HS6ST3: variants seen among roughly 807,000 people sequenced by gnomAD.
HS6ST3 encodes heparan-sulfate 6-O-sulfotransferase 3.
A neutral mutation model predicts 36.7 loss-of-function variants in HS6ST3; 12 were observed. The observed-to-expected ratio is 0.33, with a 90% CI of 0.21 to 0.53. The LOEUF (loss-of-function observed/expected upper bound fraction) is 0.53. Among genes scored for constraint, HS6ST3 ranks in the 20% least tolerant of loss-of-function variants. The probability of loss-of-function intolerance (pLI) is 0.95; values close to 1 mark genes in which losing one functional copy is unlikely to be tolerated. For missense variants in HS6ST3, 584 were observed against 640.9 expected (o/e 0.91, Z 0.96); for synonymous variants, 240 against 257.5 (o/e 0.93, Z 0.65).
intron 1 of HS6ST3, among the ~76,000 whole-genome samples, chr13:96,118,196 G>T (rs957638609): frequency 6.6e-6 from 1 of 152,088 alleles, no homozygotes; most frequent in African/African-American, 2.4e-5. Context: ...TTTGGAGGTA[G>T]AACCTTTGAA....
intron 1 of HS6ST3, among the ~76,000 whole-genome samples, chr13:96,392,750 G>C (rs2055402171): frequency 6.6e-6 from 1 of 152,212 alleles, no homozygotes; most frequent in African/African-American, 2.4e-5. Context: ...AGACTGATAG[G>C]AGAAAGGCTG....
At chr13:96,486,747 G>C (rs1009682196) in intron 1 of HS6ST3, among the ~76,000 whole-genome samples, 7 of 151,980 alleles carry the variant, frequency 4.6e-5, no homozygotes, top group African/African-American at 1.7e-4. Flanking sequence ...GGAGCTCTTG[G>C]ATAATAGATA....
At chr13:96,570,718 A>T (rs1303930986) in intron 1 of HS6ST3, among the ~76,000 whole-genome samples, 1 of 152,228 alleles carries the variant, frequency 6.6e-6, no homozygotes, top group Non-Finnish European at 1.5e-5. Context: ...AGTACGGGTG[A>T]CCAAAGAGTA....
At chr13:96,753,770 C>T (rs191352522) in intron 1 of HS6ST3, among the ~76,000 whole-genome samples, 1 of 152,188 alleles carries the variant, frequency 6.6e-6, no homozygotes, top group Non-Finnish European at 1.5e-5. Flanking sequence ...ACTTGTCTTG[C>T]CTCTGACTTT....
intron 1 of HS6ST3, among the ~76,000 whole-genome samples, chr13:96,583,508 T>C (rs928317923): frequency 1.1e-4 from 17 of 151,956 alleles, no homozygotes; most frequent in African/African-American, 4.1e-4. Context: ...ACCCGCCCAA[T>C]GGCTTCACTT....
At chr13:96,440,316 G>A (rs995889440) in intron 1 of HS6ST3, among the ~76,000 whole-genome samples, 2 of 151,950 alleles carry the variant, frequency 1.3e-5, no homozygotes, top group African/African-American at 2.4e-5. Flanking sequence ...GCATAGTGGC[G>A]CACACCTTAG....
chr13:96,543,056 G>C (rs1351936227), intron 1 of HS6ST3, among the ~76,000 whole-genome samples: 1 of 152,044 alleles, frequency 6.6e-6, no homozygotes, highest in East Asian at 1.9e-4. Context: ...CACTTTTCAT[G>C]CATCACATAC....
At chr13:96,265,378 T>G (rs552158085) in intron 1 of HS6ST3, among the ~76,000 whole-genome samples, 4 of 152,004 alleles carry the variant, frequency 2.6e-5, no homozygotes, top group South Asian at 2.1e-4. Context: ...TGGTGTCTCA[T>G]TATGTTTCCC....
chr13:96,689,324 C>G (rs1044962844), intron 1 of HS6ST3, among the ~76,000 whole-genome samples: 3 of 151,950 alleles, frequency 2.0e-5, no homozygotes, highest in African/African-American at 7.2e-5. Context: ...AATTTAAATC[C>G]AAAATGTTGG....
At chr13:96,256,491 A>G (rs1594734104) in intron 1 of HS6ST3, among the ~76,000 whole-genome samples, 1 of 152,218 alleles carries the variant, frequency 6.6e-6, no homozygotes, top group Non-Finnish European at 1.5e-5. Context: ...AGGGTTTAGT[A>G]TAGTTCTGGC....
At chr13:96,530,522 A>C (rs1429571927) in intron 1 of HS6ST3, among the ~76,000 whole-genome samples, 2 of 145,586 alleles carry the variant, frequency 1.4e-5, no homozygotes, top group African/African-American at 5.1e-5. Context: ...TTTTTTTTGG[A>C]AACAGGTACT....
chr13:96,497,853 T>C (rs2055984941), intron 1 of HS6ST3, among the ~76,000 whole-genome samples: 1 of 152,286 alleles, frequency 6.6e-6, no homozygotes, highest in East Asian at 1.9e-4. Context: ...GCTGTCACTA[T>C]ATGGAAAACT....
At chr13:96,817,769 G>C (rs1878451657) in intron 1 of HS6ST3, among the ~76,000 whole-genome samples, 1 of 152,136 alleles carries the variant, frequency 6.6e-6, no homozygotes, top group African/African-American at 2.4e-5. Flanking sequence ...TCAGCAACAG[G>C]TGACCTTTTT....
chr13:96,333,511 C>T (rs1354123488), intron 1 of HS6ST3, among the ~76,000 whole-genome samples: 1 of 152,158 alleles, frequency 6.6e-6, no homozygotes, highest in African/African-American at 2.4e-5. Flanking sequence ...TTTTGGGGGT[C>T]TGCAGTGCTG....
At chr13:96,576,311 C>A (rs2056321065) in intron 1 of HS6ST3, among the ~76,000 whole-genome samples, 1 of 146,214 alleles carries the variant, frequency 6.8e-6, no homozygotes, top group African/African-American at 2.4e-5. Context: ...TTTCCCTTGA[C>A]AATGTAAATG....
chr13:96,753,841 A>T lies in HS6ST3; in HGVS notation c.708-78649A>T, dbSNP rs146322684. 3.9e-4 allele frequency among the ~76,000 whole-genome samples: 60 copies of T among 151,908 alleles called. 2 individuals carry two copies. In the East Asian group the frequency reaches 4.4e-3, roughly 11 times the overall value. On this transcript the variant is annotated intron_variant, in intron 1 of 1. Coordinates refer to ENST00000376705, the MANE Select transcript of HS6ST3 (RefSeq NM_153456.4). ...ACTGTTAGAATTTTTTTTTTTTAAG[A>T]CTGAGTCTCGCTCTGTTGCCCATGC... is the stretch of plus-strand genomic sequence containing the variant.
At chr13:96,546,178 CT>C (rs2056196973) in intron 1 of HS6ST3, among the ~76,000 whole-genome samples, 1 of 152,058 alleles carries the variant, frequency 6.6e-6, no homozygotes, top group South Asian at 2.1e-4. Context: ...AGCTGGGCTT[CT>C]TCTGAAACTC....
At chr13:96,594,097 T>G (rs1053746874) in intron 1 of HS6ST3, among the ~76,000 whole-genome samples, 3 of 151,828 alleles carry the variant, frequency 2.0e-5, no homozygotes, top group African/African-American at 7.3e-5. Flanking sequence ...CTCAGCCTCC[T>G]GAGTAGCTAG....
chr13:96,465,506 G>T (rs1475537211), intron 1 of HS6ST3, among the ~76,000 whole-genome samples: 5 of 152,128 alleles, frequency 3.3e-5, no homozygotes, highest in Non-Finnish European at 7.4e-5. Context: ...ATAGTATACG[G>T]TTTCATTTAC....
Sources: gnomAD v4.1 joint callset for allele counts (sites outside exome capture counted in the v4.1 genomes callset) on GRCh38, gnomAD v4.1.1 for gene constraint, MANE v1.5 for transcripts, NCBI Gene and HGNC (gene_info 2026-07-23, HGNC 2026-07-21) for gene names.